Variants in CHSY3 observed in about 807,000 individuals in gnomAD.
CHSY3 encodes the protein N-acetylgalactosaminyl-proteoglycan 3-beta-glucuronosyltransferase 3.
A neutral mutation model predicts 67.2 loss-of-function variants in CHSY3; 35 were observed. The observed-to-expected ratio is 0.52, with a 90% CI of 0.40 to 0.69. The LOEUF (loss-of-function observed/expected upper bound fraction) is 0.69. Ranked by LOEUF, CHSY3 falls within the 30% of genes least tolerant of loss-of-function variation. CHSY3 has a pLI of 0.00. For synonymous variants in CHSY3, 474 were observed against 434.7 expected, an observed-to-expected ratio of 1.09 and a Z score of -1.12; for missense variants, 1,069 against 1,138.5, an observed-to-expected ratio of 0.94 and a Z score of 0.88.
At chr5:130,093,134 A>G (rs1766935677) in intron 2 of CHSY3, among the ~76,000 whole-genome samples, 1 of 152,206 alleles carries the variant, frequency 6.6e-6, no homozygotes, top group African/African-American at 2.4e-5. Context: ...GTTAGTTTCA[A>G]TCTAAACAAT....
rs898740298 is a variant in CHSY3 at position 130,114,028 on chromosome 5, T to A, written c.1087-70201T>A. Among the ~76,000 whole-genome samples, 44 of 152,192 alleles carry A rather than the reference T, an allele frequency of 2.9e-4. 1 individual carries two copies. The highest frequency in any genetic ancestry group is 1.0e-3 in the African/African-American group (42 of 41,466). ...TTTTGAGACTCAATTTTTATTCATA[T>A]TTTTTCTTCATTGTTTCCATAAAGG... On this transcript the variant is annotated intron_variant, in intron 2 of 2. Transcript: ENST00000305031.
intron 2 of CHSY3, among the ~76,000 whole-genome samples, chr5:130,049,065 C>T (rs548877389): frequency 6.6e-6 from 1 of 152,146 alleles, no homozygotes; most frequent in East Asian, 1.9e-4. Flanking sequence ...CTCTTCTTCC[C>T]TTTCACAAAG....
In CHSY3 at chr5:130,046,226, G is replaced by A. The variant is rs1049143497; in HGVS notation, c.1086+137866G>A. Among the ~76,000 whole-genome samples the A allele has an allele frequency of 8.5e-5, 13 of 152,144 alleles. No homozygotes were observed. In the East Asian group the frequency reaches 1.7e-3, roughly 20 times the overall value. ...TGCATCCAAATCTTTTTGAAGGTTA[G>A]GAAGCCATGTAGCATACAAATGAAG... is the stretch of plus-strand genomic sequence containing the variant. On this transcript the variant is annotated intron_variant, in intron 2 of 2. Coordinates refer to ENST00000305031, the MANE Select transcript of CHSY3 (RefSeq NM_175856.5).
chr5:130,017,911 G>A (rs1294945700), intron 2 of CHSY3, among the ~76,000 whole-genome samples: 1 of 152,014 alleles, frequency 6.6e-6, no homozygotes, highest in African/African-American at 2.4e-5. Context: ...TAATCCTCTA[G>A]AAACCTCTTT....
intron 2 of CHSY3, among the ~76,000 whole-genome samples, chr5:130,050,249 T>G (rs1180081804): frequency 6.6e-6 from 1 of 152,142 alleles, no homozygotes. Context: ...GTCTTCTATC[T>G]CACGTTAAAA....
intron 2 of CHSY3, among the ~76,000 whole-genome samples, chr5:130,096,963 C>A (rs977093298): frequency 6.6e-6 from 1 of 152,160 alleles, no homozygotes; most frequent in East Asian, 1.9e-4. Flanking sequence ...ATCTATAATA[C>A]TTTGATATTT....
chr5:129,982,298 C>CA (rs1427635613), intron 2 of CHSY3, among the ~76,000 whole-genome samples: 15 of 151,288 alleles, frequency 9.9e-5, no homozygotes, highest in South Asian at 4.2e-4. Flanking sequence ...CACACACACA[C>CA]AAAAAAAACA....
intron 2 of CHSY3, chr5:130,140,908 C>T: frequency 1.4e-6 from 1 of 699,328 alleles, no homozygotes; most frequent in Non-Finnish European, 1.8e-6. Context: ...ACTTCAATAC[C>T]TCCATTTTCC....
At chr5:130,096,699 T>A (rs1767059800) in intron 2 of CHSY3, among the ~76,000 whole-genome samples, 1 of 151,780 alleles carries the variant, frequency 6.6e-6, no homozygotes, top group Admixed American at 6.6e-5. Flanking sequence ...TTGCCAACCA[T>A]TTTTTTTAGT....
intron 2 of CHSY3, among the ~76,000 whole-genome samples, chr5:129,983,813 G>A (rs982839187): frequency 6.6e-6 from 1 of 152,008 alleles, no homozygotes; most frequent in African/African-American, 2.4e-5. Context: ...TCAGCCCAAA[G>A]AACCCATTTT....
At chr5:130,180,911 T>C (rs1174733929) in intron 2 of CHSY3, among the ~76,000 whole-genome samples, 1 of 152,208 alleles carries the variant, frequency 6.6e-6, no homozygotes, top group African/African-American at 2.4e-5. Context: ...AGAAATGACC[T>C]ATGCTATGTT....
intron 2 of CHSY3, among the ~76,000 whole-genome samples, chr5:130,133,060 C>T (rs1478183271): frequency 6.6e-6 from 1 of 152,078 alleles, no homozygotes; most frequent in Non-Finnish European, 1.5e-5. Context: ...AATGCCATGC[C>T]TCGTTGGAAA....
At chr5:130,006,863 A>G (rs995792913) in intron 2 of CHSY3, among the ~76,000 whole-genome samples, 1 of 152,218 alleles carries the variant, frequency 6.6e-6, no homozygotes, top group African/African-American at 2.4e-5. Context: ...CTAGCCTACA[A>G]TGTGCTAGAT....
At chr5:130,109,420 C>A (rs1767519566) in intron 2 of CHSY3, among the ~76,000 whole-genome samples, 1 of 151,452 alleles carries the variant, frequency 6.6e-6, no homozygotes, top group Admixed American at 6.6e-5. Flanking sequence ...AAAATGGATA[C>A]CTTGGTAGGT....
intron 2 of CHSY3, among the ~76,000 whole-genome samples, chr5:130,116,803 T>C (rs1222037014): frequency 6.6e-6 from 1 of 151,864 alleles, no homozygotes; most frequent in Non-Finnish European, 1.5e-5. Flanking sequence ...TGCAGCAGTG[T>C]AGTAAGAGAC....
chr5:130,114,281 A>C (rs1023213457), intron 2 of CHSY3: 1 of 152,164 alleles, frequency 6.6e-6, no homozygotes, highest in Non-Finnish European at 1.5e-5. Flanking sequence ...GTTGCTATAG[A>C]TAAGAAGGCA....
chr5:129,919,029 C>T (rs1471004658), intron 2 of CHSY3, among the ~76,000 whole-genome samples: 1 of 140,172 alleles, frequency 7.1e-6, no homozygotes, highest in Non-Finnish European at 1.5e-5. Context: ...ATGGCGTGAA[C>T]CCGGGAGGCG....
At chr5:130,076,513 G>A (rs1380184538) in intron 2 of CHSY3, among the ~76,000 whole-genome samples, 1 of 150,930 alleles carries the variant, frequency 6.6e-6, no homozygotes, top group Non-Finnish European at 1.5e-5. Context: ...AAATGTTTGT[G>A]TATCAATGAC....
At chr5:130,057,779 AT>A (rs1257018854) in intron 2 of CHSY3, among the ~76,000 whole-genome samples, 1 of 152,142 alleles carries the variant, frequency 6.6e-6, no homozygotes, top group Admixed American at 6.5e-5. Flanking sequence ...AATTTGTGAA[AT>A]TCAATATGTG....
Sources: allele counts gnomAD v4.1 joint callset (sites outside exome capture counted in the v4.1 genomes callset), GRCh38; gene constraint gnomAD v4.1.1; transcripts MANE v1.5; gene names NCBI Gene and HGNC (gene_info 2026-07-23, HGNC 2026-07-21).